Variants in ETFA observed in about 807,000 individuals in gnomAD.
ETFA encodes the protein electron transfer flavoprotein subunit alpha, mitochondrial.
In ETFA, 22 loss-of-function variants were observed where a neutral mutation model predicts 46.2. That is an observed-to-expected ratio of 0.48 (90% CI 0.34 to 0.68). ETFA has a LOEUF of 0.68. ETFA is among the 30% of genes least tolerant of loss of function. The probability of loss-of-function intolerance (pLI) is 0.01; values close to 1 mark genes in which losing one functional copy is unlikely to be tolerated. For missense variants in ETFA, 345 were observed against 401.1 expected (o/e 0.86, Z 1.19); for synonymous variants, 131 against 139.9 (o/e 0.94, Z 0.45).
intron 9 of ETFA, among the ~76,000 whole-genome samples, chr15:76,256,283 AT>A (rs1435000264): frequency 3.3e-5 from 5 of 149,886 alleles, no homozygotes; most frequent in Non-Finnish European, 7.4e-5. Flanking sequence ...AAAAAAAAAA[AT>A]ATTAACCTTA....
At chr15:76,263,459 GAACCAGGGTAAC>G (rs1385177192) in intron 9 of ETFA, among the ~76,000 whole-genome samples, 1 of 152,242 alleles carries the variant, frequency 6.6e-6, no homozygotes, top group Non-Finnish European at 1.5e-5. Flanking sequence ...GCGCTTGGAA[GAACCAGGGTAAC>G]AATGGGATGA....
rs2039718230 is a variant in ETFA at position 76,287,951 on chromosome 15, A to G, written c.352-6T>C. 1 of 1,593,972 alleles carries G rather than the reference A, an allele frequency of 6.3e-7. No homozygotes were observed. The highest frequency in any genetic ancestry group is 1.1e-5 in the South Asian group (1 of 90,646). On this transcript the variant is annotated splice_polypyrimidine_tract_variant and splice_region_variant and intron_variant, in intron 4 of 11. Transcript: ENST00000557943. ...GCTACTCTGGGCAAAAGGTTCTAAA[A>G]GCAAAATAAGCAGTGAGTTAACACA...
chr15:76,257,980 G>T (rs1596203008), intron 9 of ETFA, among the ~76,000 whole-genome samples: 1 of 141,662 alleles, frequency 7.1e-6, no homozygotes, highest in South Asian at 2.3e-4. Context: ...GAGAACACAT[G>T]GACACAGGAA....
chr15:76,242,950 G>C (rs1364252348), intron 9 of ETFA, among the ~76,000 whole-genome samples: 1 of 152,230 alleles, frequency 6.6e-6, no homozygotes, highest in African/African-American at 2.4e-5. Flanking sequence ...AAATAGAGTA[G>C]TGATGGCTGC....
chr15:76,303,439 T>C (rs1419260435), intron 1 of ETFA, among the ~76,000 whole-genome samples: 1 of 151,836 alleles, frequency 6.6e-6, no homozygotes, highest in African/African-American at 2.4e-5. Flanking sequence ...CCAAAAGAAA[T>C]TGCAACAAAA....
At chr15:76,277,659 C>T (rs933161362) in intron 8 of ETFA, among the ~76,000 whole-genome samples, 3 of 152,128 alleles carry the variant, frequency 2.0e-5, no homozygotes, top group Admixed American at 1.3e-4. Context: ...CGTGCTGCCA[C>T]GCCCAACTAA....
chr15:76,264,286 T>C (rs935340790), intron 9 of ETFA, among the ~76,000 whole-genome samples: 1 of 152,212 alleles, frequency 6.6e-6, no homozygotes, highest in Non-Finnish European at 1.5e-5. Flanking sequence ...GTTTAAAACA[T>C]GGTGGGCTGA....
intron 10 of ETFA, chr15:76,230,218 C>CCTTTTTTTT (rs2039051682): frequency 2.1e-5 from 1 of 48,480 alleles, no homozygotes; most frequent in Admixed American, 2.4e-4. Context: ...ACTTATTGCA[C>CCTTTTTTTT]TTTTTTTTTT....
intron 11 of ETFA, chr15:76,217,586 C>A (rs1336377642): frequency 2.2e-6 from 1 of 455,278 alleles, no homozygotes; most frequent in Non-Finnish European, 4.4e-6. Context: ...AATTACTAAC[C>A]CTTAGTCGTG....
At chr15:76,275,097 C>G (rs2039578920) in intron 8 of ETFA, among the ~76,000 whole-genome samples, 1 of 152,158 alleles carries the variant, frequency 6.6e-6, no homozygotes, top group African/African-American at 2.4e-5. Context: ...TATCTTGAGT[C>G]AGCCAGGACT....
Position 76,283,822 on chromosome 15 carries a change from C to T in ETFA, c.668G>A (p.Arg223Gln), listed in dbSNP as rs762041972. ...TGAKVVVSGGRGLKSGENFKL... is the reference protein window; with the variant it reads ...TGAKVVVSGGQGLKSGENFKL... ...AAAGTTCTCTCCACTCTTCAAGCCT[C>T]GACCTCATTTAAAAAGATGAAAAAA... is the stretch of plus-strand genomic sequence containing the variant. Residue 223 changes from arginine to glutamine, a missense_variant, in exon 8 of 12, where the codon CGA becomes CAA. By Grantham distance (43) the Arg-to-Gln change is conservative. Transcript: ENST00000557943. The T allele has an allele frequency of 7.5e-6, 12 of 1,608,118 alleles. No individual in the cohort carries two copies. The highest frequency in any genetic ancestry group is 1.0e-5 in the Non-Finnish European group (12 of 1,175,780).
At chr15:76,252,918 A>T (rs1286503426) in intron 9 of ETFA, among the ~76,000 whole-genome samples, 1 of 127,754 alleles carries the variant, frequency 7.8e-6, no homozygotes, top group African/African-American at 3.1e-5. Context: ...TTTTTTTTTT[A>T]AAGAGATGGG....
chr15:76,247,647 C>T (rs980239412), intron 9 of ETFA, among the ~76,000 whole-genome samples: 4 of 152,186 alleles, frequency 2.6e-5, no homozygotes, highest in Non-Finnish European at 4.4e-5. Flanking sequence ...TATTTGCATT[C>T]ATCATGTATC....
chr15:76,258,654 C>T (rs889095733), intron 9 of ETFA, among the ~76,000 whole-genome samples: 2 of 152,170 alleles, frequency 1.3e-5, no homozygotes, highest in Non-Finnish European at 2.9e-5. Flanking sequence ...GCCTACAGGG[C>T]TGGACCTGGA....
chr15:76,295,500 T>C (rs2039809098), intron 2 of ETFA, 91 bp downstream of exon 2: 1 of 1,137,310 alleles, frequency 8.8e-7, no homozygotes, highest in Admixed American at 1.7e-5. Flanking sequence ...CCAGTTTGGG[T>C]TACAATCCTA....
intron 11 of ETFA, among the ~76,000 whole-genome samples, chr15:76,219,953 A>G (rs903103645): frequency 2.0e-5 from 3 of 152,252 alleles, no homozygotes; most frequent in Non-Finnish European, 4.4e-5. Flanking sequence ...CAGAATTATC[A>G]TATGATCCAG....
At chr15:76,246,294 A>C (rs578185927) in intron 9 of ETFA, among the ~76,000 whole-genome samples, 1 of 152,372 alleles carries the variant, frequency 6.6e-6, no homozygotes, top group African/African-American at 2.4e-5. Context: ...AAAGTCACAC[A>C]GCCAGCAAGT....
chr15:76,290,204 A>G (rs995795214), intron 4 of ETFA, among the ~76,000 whole-genome samples: 1 of 152,226 alleles, frequency 6.6e-6, no homozygotes, highest in African/African-American at 2.4e-5. Flanking sequence ...AGATACATGC[A>G]TGACCATGTT....
At chr15:76,246,726 G>A (rs1167560747) in intron 9 of ETFA, among the ~76,000 whole-genome samples, 6 of 151,878 alleles carry the variant, frequency 4.0e-5, no homozygotes, top group African/African-American at 1.5e-4. Context: ...CCAGCTACTC[G>A]GGAGGCTGAG....
Sources: gnomAD v4.1 joint callset for allele counts (sites outside exome capture counted in the v4.1 genomes callset) on GRCh38, gnomAD v4.1.1 for gene constraint, MANE v1.5 for transcripts, NCBI Gene and HGNC (gene_info 2026-07-23, HGNC 2026-07-21) for gene names.